Variants in AGBL4 observed in about 807,000 individuals in gnomAD.
The protein encoded by AGBL4 is AGBL carboxypeptidase 4.
A neutral mutation model predicts 66.4 loss-of-function variants in AGBL4; 58 were observed. The ratio of observed to expected loss-of-function variants is 0.87; its 90% CI spans 0.71 to 1.09. The LOEUF (loss-of-function observed/expected upper bound fraction) is 1.09. Ranked by LOEUF, AGBL4 falls within the 50% of genes least tolerant of loss-of-function variation. The pLI is 0.00. For synonymous variants in AGBL4, 234 were observed against 222.9 expected (o/e 1.05, Z -0.44); for missense variants, 579 against 631.0 (o/e 0.92, Z 0.88).
intron 1 of AGBL4, among the ~76,000 whole-genome samples, chr1:49,991,384 A>G (rs1330105237): frequency 6.6e-6 from 1 of 152,190 alleles, no homozygotes; most frequent in East Asian, 1.9e-4. Context: ...ATGCATCTGC[A>G]TACATGACAA....
intron 5 of AGBL4, among the ~76,000 whole-genome samples, chr1:48,907,839 C>G (rs1000845924): frequency 6.6e-6 from 1 of 152,060 alleles, no homozygotes; most frequent in Admixed American, 6.6e-5. Flanking sequence ...CCTGAGGAAT[C>G]CTGGAAGAGA....
chr1:49,673,550 A>ACATTGCAT (rs1256481450), intron 3 of AGBL4, among the ~76,000 whole-genome samples: 2 of 152,228 alleles, frequency 1.3e-5, no homozygotes, highest in East Asian at 3.8e-4. Flanking sequence ...CCTATATCAA[A>ACATTGCAT]ACATCTCATG....
At chr1:49,721,431 C>T (rs1648601636) in intron 2 of AGBL4, among the ~76,000 whole-genome samples, 1 of 151,920 alleles carries the variant, frequency 6.6e-6, no homozygotes, top group South Asian at 2.1e-4. Flanking sequence ...AACCCACCGG[C>T]AGGAACCAAC....
At chr1:48,957,121 T>C (rs992466594) in intron 5 of AGBL4, among the ~76,000 whole-genome samples, 1 of 152,136 alleles carries the variant, frequency 6.6e-6, no homozygotes, top group Non-Finnish European at 1.5e-5. Context: ...AACACTGCCC[T>C]GAAAATTTGT....
chr1:49,611,667 G>A (rs749127630), intron 3 of AGBL4, among the ~76,000 whole-genome samples: 7 of 152,064 alleles, frequency 4.6e-5, no homozygotes, highest in Non-Finnish European at 7.4e-5. Flanking sequence ...GTGAGCCACC[G>A]CGCCCGGCCA....
intron 11 of AGBL4, among the ~76,000 whole-genome samples, chr1:48,541,352 T>C (rs1644065340): frequency 1.3e-5 from 2 of 152,244 alleles, no homozygotes; most frequent in South Asian, 4.1e-4. Context: ...TACCTGTCTC[T>C]TCTTTTCAGT....
At chr1:49,904,517 A>C (rs1206274557) in intron 1 of AGBL4, among the ~76,000 whole-genome samples, 1 of 152,186 alleles carries the variant, frequency 6.6e-6, no homozygotes, top group Non-Finnish European at 1.5e-5. Flanking sequence ...AATTATGGAG[A>C]TCCTCATATA....
chr1:49,266,946 G>A (rs560542171), intron 3 of AGBL4, among the ~76,000 whole-genome samples: 1 of 152,312 alleles, frequency 6.6e-6, no homozygotes, highest in South Asian at 2.1e-4. Flanking sequence ...CTGAATGACT[G>A]TTCCAGGGTT....
rs186821824 is a variant in AGBL4 at position 49,451,186 on chromosome 1, C to A, written c.283-205322G>T. Among the ~76,000 whole-genome samples the A allele has an allele frequency of 3.5e-3, 538 of 152,036 alleles. 6 individuals carry two copies. The highest frequency in any genetic ancestry group is 0.017 in the Middle Eastern group (5 of 292). ...AAATTTCTTGCTTCATGAATCTGCC[C>A]ATCTTCAAGCCAATAACAGCATGCT... is the stretch of plus-strand genomic sequence containing the variant. On this transcript the variant is annotated intron_variant, in intron 3 of 13. Coordinates refer to ENST00000371839, the MANE Select transcript of AGBL4 (RefSeq NM_032785.4).
Position 48,727,871 on chromosome 1 carries a change from T to C in AGBL4, c.635-64630A>G, listed in dbSNP as rs370421315. 8 of 1,598,282 alleles carry C rather than the reference T, an allele frequency of 5.0e-6. No individual in the cohort carries two copies. In the African/African-American group the frequency reaches 8.1e-5, roughly 16 times the overall value. ...ACACAAGGAAAACACGAAAGCTTTA[T>C]GAAAAATCCAAAGTTTATTGCAAAT... is the stretch of plus-strand genomic sequence containing the variant. On this transcript the variant is annotated intron_variant, in intron 6 of 13. Transcript: ENST00000371839.
intron 6 of AGBL4, among the ~76,000 whole-genome samples, chr1:48,705,932 C>A (rs1330829540): frequency 1.3e-5 from 2 of 152,076 alleles, no homozygotes; most frequent in Non-Finnish European, 2.9e-5. Flanking sequence ...AGGGAGAAAG[C>A]AACAGAAATT....
chr1:48,972,545 A>G (rs1358807646), intron 5 of AGBL4, among the ~76,000 whole-genome samples: 1 of 152,178 alleles, frequency 6.6e-6, no homozygotes, highest in Non-Finnish European at 1.5e-5. Flanking sequence ...TTATAGGTGA[A>G]GAAAGGTTAA....
intron 3 of AGBL4, among the ~76,000 whole-genome samples, chr1:49,414,924 G>C (rs541942428): frequency 2.0e-4 from 30 of 152,256 alleles, no homozygotes; most frequent in African/African-American, 6.7e-4. Flanking sequence ...AGTATGCAGT[G>C]TTAGCTATAA....
At chr1:49,901,349 G>A (rs1365168697) in intron 1 of AGBL4, among the ~76,000 whole-genome samples, 1 of 152,118 alleles carries the variant, frequency 6.6e-6, no homozygotes, top group Non-Finnish European at 1.5e-5. Flanking sequence ...CAAAGTTTGA[G>A]AATGCAAAAA....
intron 6 of AGBL4, among the ~76,000 whole-genome samples, chr1:48,762,054 T>G (rs954314575): frequency 6.6e-6 from 1 of 152,154 alleles, no homozygotes; most frequent in Non-Finnish European, 1.5e-5. Context: ...AATCTCAGCA[T>G]GACTGAGTTT....
chr1:49,562,346 C>T (rs1458263211), intron 3 of AGBL4, among the ~76,000 whole-genome samples: 1 of 152,050 alleles, frequency 6.6e-6, no homozygotes, highest in Non-Finnish European at 1.5e-5. Flanking sequence ...GCTTTTGTTG[C>T]CATTGCTTTT....
At chr1:49,872,951 C>A (rs772603300) in intron 1 of AGBL4, among the ~76,000 whole-genome samples, 22 of 151,934 alleles carry the variant, frequency 1.4e-4, no homozygotes, top group Non-Finnish European at 2.5e-4. Context: ...GGCTACAAGT[C>A]TCCAAAATAA....
At chr1:49,832,034 T>C (rs1293878867) in intron 2 of AGBL4, among the ~76,000 whole-genome samples, 1 of 152,100 alleles carries the variant, frequency 6.6e-6, no homozygotes, top group East Asian at 1.9e-4. Context: ...TTAGGGTACA[T>C]GTGCACAATG....
intron 2 of AGBL4, among the ~76,000 whole-genome samples, chr1:49,803,054 TAA>T (rs1195249686): frequency 6.0e-5 from 9 of 150,860 alleles, no homozygotes; most frequent in East Asian, 1.9e-4. Flanking sequence ...ATATGATATA[TAA>T]GTTATATATG....
Sources: gnomAD v4.1 joint callset for allele counts (sites outside exome capture counted in the v4.1 genomes callset) on GRCh38, gnomAD v4.1.1 for gene constraint, MANE v1.5 for transcripts, NCBI Gene and HGNC (gene_info 2026-07-23, HGNC 2026-07-21) for gene names.